Variants in IGFL2 observed in about 807,000 individuals in gnomAD.
The protein encoded by IGFL2 is insulin growth factor-like family member 2.
Under a neutral mutation model 13.9 loss-of-function variants are expected in IGFL2, and 7 were observed. The observed-to-expected ratio is 0.51, with a 90% CI of 0.29 to 0.95. IGFL2 has a LOEUF of 0.95. Ranked by LOEUF, IGFL2 falls within the 40% of genes least tolerant of loss-of-function variation. The pLI is 0.08. For synonymous variants in IGFL2, 55 were observed against 55.8 expected (o/e 0.99, Z 0.07); for missense variants, 138 against 147.8 (o/e 0.93, Z 0.34).
chr19:46,180,259 A>G, the IGFL2 span, among the ~76,000 whole-genome samples: 1 of 150,258 alleles, frequency 6.7e-6, no homozygotes, highest in Non-Finnish European at 1.5e-5. Context: ...GCTCACTGCA[A>G]CCTCCACCTC....
At chr19:46,085,091 C>T in the IGFL2 span, among the ~76,000 whole-genome samples, 1 of 152,146 alleles carries the variant, frequency 6.6e-6, no homozygotes, top group Non-Finnish European at 1.5e-5. Flanking sequence ...GAGAAGTTGA[C>T]CAAAAGAAAG....
chr19:46,123,546 A>G, the IGFL2 span, among the ~76,000 whole-genome samples: 5 of 150,740 alleles, frequency 3.3e-5, no homozygotes, highest in Non-Finnish European at 7.4e-5. Context: ...GCTTCTTCAG[A>G]GAAGCAAAAC....
chr19:46,194,515 A>G, the IGFL2 span, among the ~76,000 whole-genome samples: 1 of 152,068 alleles, frequency 6.6e-6, no homozygotes, highest in South Asian at 2.1e-4. Context: ...TTCACCAGGG[A>G]CAATGCAAGC....
At chr19:46,112,373 G>A in the IGFL2 span, among the ~76,000 whole-genome samples, 161 of 152,286 alleles carry the variant, frequency 1.1e-3, no homozygotes, top group African/African-American at 3.5e-3. Flanking sequence ...TGGTTTCAGA[G>A]TGGACTAGTG....
the IGFL2 span, among the ~76,000 whole-genome samples, chr19:46,167,656 T>G: frequency 6.6e-6 from 1 of 152,132 alleles, no homozygotes; most frequent in South Asian, 2.1e-4. Context: ...TCCCCAAAAT[T>G]TGTATGTTGA....
chr19:46,163,617 C>T (rs1288020624), downstream of IGFL2, among the ~76,000 whole-genome samples: 2 of 152,186 alleles, frequency 1.3e-5, no homozygotes, highest in African/African-American at 4.8e-5. Context: ...GACAGTTCCA[C>T]TGCAGAGGCA....
At chr19:46,155,429 G>C (rs1033144070) in intron 1 of IGFL2, among the ~76,000 whole-genome samples, 4 of 152,170 alleles carry the variant, frequency 2.6e-5, no homozygotes, top group Non-Finnish European at 4.4e-5. Flanking sequence ...AATGCCCTCA[G>C]ACTCTCGCTG....
At chr19:46,125,612 G>A in the IGFL2 span, among the ~76,000 whole-genome samples, 3 of 152,352 alleles carry the variant, frequency 2.0e-5, no homozygotes, top group Non-Finnish European at 2.9e-5. Flanking sequence ...ATAGGGAAGA[G>A]TTGCTGACTT....
chr19:46,140,320 C>T (rs1475053664), upstream of IGFL2, among the ~76,000 whole-genome samples: 2 of 151,710 alleles, frequency 1.3e-5, no homozygotes, highest in Non-Finnish European at 2.9e-5. Flanking sequence ...AACATTTATG[C>T]TAAATTGATC....
chr19:46,098,217 A>G, the IGFL2 span, among the ~76,000 whole-genome samples: 1 of 152,156 alleles, frequency 6.6e-6, no homozygotes, highest in African/African-American at 2.4e-5. Context: ...TAGGATTGTT[A>G]GCTTTTCTTG....
chr19:46,097,416 G>T, the IGFL2 span, among the ~76,000 whole-genome samples: 2 of 151,556 alleles, frequency 1.3e-5, no homozygotes, highest in African/African-American at 2.4e-5. Context: ...TTCTTTTTTA[G>T]TCTAGCTAGC....
chr19:46,145,600 ATG>A (rs1024196099), upstream of IGFL2, among the ~76,000 whole-genome samples: 2,601 of 94,512 alleles, frequency 0.028, 38 homozygotes, highest in South Asian at 0.094. Flanking sequence ...ACTCATATAT[ATG>A]TGTGTGTGTG....
At chr19:46,096,174 T>C in the IGFL2 span, among the ~76,000 whole-genome samples, 1 of 152,190 alleles carries the variant, frequency 6.6e-6, no homozygotes, top group Non-Finnish European at 1.5e-5. Flanking sequence ...TTTCTATTTG[T>C]TTGTGTCCTC....
chr19:46,151,553 G>T (rs1222370110), intron 1 of IGFL2, among the ~76,000 whole-genome samples: 1 of 152,104 alleles, frequency 6.6e-6, no homozygotes, highest in Non-Finnish European at 1.5e-5. Flanking sequence ...TCTTTTTCAA[G>T]ATCGTTTTAG....
At chr19:46,193,993 T>C in the IGFL2 span, among the ~76,000 whole-genome samples, 49 of 152,246 alleles carry the variant, frequency 3.2e-4, no homozygotes, top group African/African-American at 1.2e-3. Context: ...CCAGAAACTT[T>C]GCGGTCATCA....
At chr19:46,119,643 T>C in the IGFL2 span, among the ~76,000 whole-genome samples, 1 of 150,966 alleles carries the variant, frequency 6.6e-6, no homozygotes, top group African/African-American at 2.5e-5. Flanking sequence ...AAATCACAGA[T>C]ACCACTGACC....
At chr19:46,109,194 G>A in the IGFL2 span, among the ~76,000 whole-genome samples, 2 of 152,228 alleles carry the variant, frequency 1.3e-5, no homozygotes, top group African/African-American at 4.8e-5. Context: ...GTCAGCAAAG[G>A]GTGGTGGGAT....
chr19:46,117,666 A>C, the IGFL2 span, among the ~76,000 whole-genome samples: 2,039 of 152,224 alleles, frequency 0.013, 51 homozygotes, highest in African/African-American at 0.046. Context: ...TTTTTAGTAG[A>C]GACGGGGTTT....
chr19:46,094,121 A>G, the IGFL2 span, among the ~76,000 whole-genome samples: 2 of 149,406 alleles, frequency 1.3e-5, no homozygotes, highest in Admixed American at 6.7e-5. Context: ...CCAAAGAACT[A>G]GAATAGCTAA....
Sources: gnomAD v4.1 joint callset for allele counts (sites outside exome capture counted in the v4.1 genomes callset) on GRCh38, gnomAD v4.1.1 for gene constraint, MANE v1.5 for transcripts, NCBI Gene and HGNC (gene_info 2026-07-23, HGNC 2026-07-21) for gene names.